Variants in GRIK2 observed in about 807,000 individuals in gnomAD.
The protein encoded by GRIK2 is glutamate receptor ionotropic, kainate 2.
GRIK2 carries 32 observed loss-of-function variants against 100.3 expected under a neutral mutation model. The ratio of observed to expected loss-of-function variants is 0.32; its 90% CI spans 0.24 to 0.43. GRIK2 has a LOEUF of 0.43. Among genes scored for constraint, GRIK2 ranks in the 20% least tolerant of loss-of-function variants. The pLI is 1.00. For missense variants in GRIK2, 843 were observed against 1,114.9 expected (o/e 0.76, Z 3.47); for synonymous variants, 417 against 389.4 (o/e 1.07, Z -0.83).
In GRIK2 at chr6:102,065,697, T is replaced by G. The variant is rs1233138607; in HGVS notation, c.2563-2650T>G. The G allele has an allele frequency of 4.5e-6, 3 of 669,022 alleles. No individual in the cohort carries two copies. The East Asian group carries it at 9.6e-5, about 21-fold the overall frequency. The allele number at this position is 669,022 out of a possible 1,614,324, so 41.4% of individuals were successfully genotyped here. ...TTAAATGAAGGTTTATTTCAAACGATTCAATGTTACACGTCCTATAACAAT... is the reference window on the plus strand; with the variant it reads ...TTAAATGAAGGTTTATTTCAAACGAGTCAATGTTACACGTCCTATAACAAT... On this transcript the variant is annotated intron_variant, in intron 16 of 16. Transcript: ENST00000369134.
intron 7 of GRIK2, among the ~76,000 whole-genome samples, chr6:101,725,807 C>G (rs1482083850): frequency 6.6e-6 from 1 of 151,924 alleles, no homozygotes; most frequent in Non-Finnish European, 1.5e-5. Flanking sequence ...GTCGTTAACT[C>G]TGATGTTTTT....
chr6:101,703,242 A>G (rs1773020723), intron 7 of GRIK2, among the ~76,000 whole-genome samples: 1 of 151,898 alleles, frequency 6.6e-6, no homozygotes, highest in African/African-American at 2.4e-5. Flanking sequence ...ATCCAAGGGT[A>G]TAGTGTGAAT....
At chr6:101,909,379 T>TTTTTTGTTTTTG (rs1262456592) in intron 12 of GRIK2, among the ~76,000 whole-genome samples, 1 of 81,984 alleles carries the variant, frequency 1.2e-5, no homozygotes. Flanking sequence ...GGGTTTTCTT[T>TTTTTTGTTTTTG]TTCTTTTTTT....
intron 10 of GRIK2, among the ~76,000 whole-genome samples, chr6:101,832,621 C>G (rs561590121): frequency 6.6e-6 from 1 of 152,104 alleles, no homozygotes; most frequent in Admixed American, 6.5e-5. Context: ...AGAAGAGCTA[C>G]GTATGATGTT....
At chr6:101,857,949 AATATTATGTTGGTCTCAGG>A (rs1303383204) in intron 10 of GRIK2, among the ~76,000 whole-genome samples, 7 of 151,998 alleles carry the variant, frequency 4.6e-5, no homozygotes, top group African/African-American at 1.7e-4. Context: ...GAAACACTCC[AATATTATGTTGGTCTCAGG>A]GCTTTTTACC....
intron 2 of GRIK2, among the ~76,000 whole-genome samples, chr6:101,456,161 A>G (rs1369552102): frequency 4.0e-5 from 6 of 151,706 alleles, no homozygotes; most frequent in African/African-American, 1.2e-4. Flanking sequence ...TGAAAGGCAT[A>G]TGTGCATGTA....
intron 7 of GRIK2, among the ~76,000 whole-genome samples, chr6:101,734,844 G>A (rs1287211693): frequency 6.6e-6 from 1 of 152,202 alleles, no homozygotes; most frequent in Non-Finnish European, 1.5e-5. Context: ...AAGGCAGAGA[G>A]AAAGGTGGTA....
intron 7 of GRIK2, among the ~76,000 whole-genome samples, chr6:101,713,977 TTTA>T (rs1773891415): frequency 6.6e-6 from 1 of 151,792 alleles, no homozygotes; most frequent in African/African-American, 2.4e-5. Context: ...TAGAACACTT[TTTA>T]TTTAAATTGT....
At chr6:101,594,694 T>C (rs1562249237) in intron 2 of GRIK2, among the ~76,000 whole-genome samples, 1 of 151,682 alleles carries the variant, frequency 6.6e-6, no homozygotes, top group Non-Finnish European at 1.5e-5. Flanking sequence ...TAAGTAAAAT[T>C]CAGTGGAGTA....
At chr6:101,510,510 GTTTTTTTTT>G (rs142391999) in intron 2 of GRIK2, among the ~76,000 whole-genome samples, 1 of 94,346 alleles carries the variant, frequency 1.1e-5, no homozygotes, top group Non-Finnish European at 2.0e-5. Context: ...CAGTTGGGGA[GTTTTTTTTT>G]TTTTTTTTTT....
At chr6:101,698,239 A>T (rs1418266857) in intron 7 of GRIK2, among the ~76,000 whole-genome samples, 1 of 152,042 alleles carries the variant, frequency 6.6e-6, no homozygotes, top group African/African-American at 2.4e-5. Context: ...AATGTAGCCT[A>T]TGCAGTTTTG....
At chr6:102,004,569 T>G (rs1017907919) in intron 14 of GRIK2, among the ~76,000 whole-genome samples, 2 of 151,978 alleles carry the variant, frequency 1.3e-5, no homozygotes, top group Non-Finnish European at 1.5e-5. Flanking sequence ...AAGTTAAAAT[T>G]ACTAAATCCA....
chr6:101,560,604 T>C (rs1230123708), intron 2 of GRIK2, among the ~76,000 whole-genome samples: 1 of 152,090 alleles, frequency 6.6e-6, no homozygotes, highest in Non-Finnish European at 1.5e-5. Flanking sequence ...AACAACAATA[T>C]ATACTGTTAA....
chr6:101,821,574 A>G (rs674027), intron 10 of GRIK2, among the ~76,000 whole-genome samples: 19,449 of 152,134 alleles, frequency 0.13, 1,344 homozygotes, highest in Admixed American at 0.2. Context: ...ATTTTAGAGT[A>G]TGCCAACTAC....
intron 12 of GRIK2, among the ~76,000 whole-genome samples, chr6:101,915,616 G>A (rs1262388830): frequency 6.6e-6 from 1 of 151,278 alleles, no homozygotes; most frequent in Non-Finnish European, 1.5e-5. Context: ...ACTTCAGGGT[G>A]GCAAGGATAT....
chr6:101,568,091 T>C (rs1443217432), intron 2 of GRIK2, among the ~76,000 whole-genome samples: 2 of 151,930 alleles, frequency 1.3e-5, no homozygotes, highest in Non-Finnish European at 2.9e-5. Context: ...TCTTAGTAAA[T>C]GAAAAAAAGA....
chr6:101,545,903 G>C (rs1029991428), intron 2 of GRIK2, among the ~76,000 whole-genome samples: 2 of 151,666 alleles, frequency 1.3e-5, no homozygotes, highest in African/African-American at 4.8e-5. Flanking sequence ...ATTTCCAAGA[G>C]GTTAGAATTC....
chr6:101,548,245 A>G (rs1420981318), intron 2 of GRIK2, among the ~76,000 whole-genome samples: 2 of 152,184 alleles, frequency 1.3e-5, no homozygotes, highest in African/African-American at 2.4e-5. Context: ...AGTAGATTGC[A>G]AAAATTGTCT....
chr6:101,650,092 C>T lies in GRIK2; in HGVS notation c.541+23455C>T, dbSNP rs568830445. ...TCCTTTGACCAAAGCAGCCTGAAAG[C>T]AGGTTGGACCTCTTTATTAGAATGA... On this transcript the variant is annotated intron_variant, in intron 4 of 16. Coordinates refer to ENST00000369134, the MANE Select transcript of GRIK2 (RefSeq NM_021956.5). Among the ~76,000 whole-genome samples, 34 of 152,108 alleles carry T rather than the reference C, an allele frequency of 2.2e-4. 1 individual carries two copies. Among genetic ancestry groups the T allele is most frequent in the Non-Finnish European group, 4.7e-4 (32 of 68,010 alleles).
Sources: allele counts gnomAD v4.1 joint callset (sites outside exome capture counted in the v4.1 genomes callset), GRCh38; gene constraint gnomAD v4.1.1; transcripts MANE v1.5; gene names NCBI Gene and HGNC (gene_info 2026-07-23, HGNC 2026-07-21).